The following GNAL variants were observed in gnomAD, a reference collection of about 807,000 sequenced individuals.
GNAL encodes the protein guanine nucleotide-binding protein G(olf) subunit alpha.
In GNAL, 18 loss-of-function variants were observed where a neutral mutation model predicts 55.1. The observed-to-expected ratio is 0.33, with a 90% CI of 0.23 to 0.48. The LOEUF (loss-of-function observed/expected upper bound fraction) is 0.48, where lower values mean the gene tolerates loss of function less well. Ranked by LOEUF, GNAL falls within the 20% of genes least tolerant of loss-of-function variation. GNAL has a pLI of 0.99. For missense variants in GNAL, 412 were observed against 614.1 expected (o/e 0.67, Z 3.48); for synonymous variants, 253 against 237.0 (o/e 1.07, Z -0.62).
intron 4 of GNAL, among the ~76,000 whole-genome samples, chr18:11,814,241 T>C (rs2034895408): frequency 6.6e-6 from 1 of 152,152 alleles, no homozygotes; most frequent in Non-Finnish European, 1.5e-5. Context: ...AGAAAAACAC[T>C]GGGCCGGGCA....
chr18:11,869,378 C>G (rs1451116367), intron 9 of GNAL, among the ~76,000 whole-genome samples: 2 of 152,046 alleles, frequency 1.3e-5, no homozygotes, highest in South Asian at 4.1e-4. Flanking sequence ...CTCCTGACCT[C>G]GTGATCCACC....
At position 11,730,160 on chromosome 18, in the gene GNAL, C is replaced by CTTT. The variant is rs1240028582; in HGVS notation, c.377-22678_377-22676dup. Among the ~76,000 whole-genome samples, 2 of 138,794 alleles carry CTTT rather than the reference C, an allele frequency of 1.4e-5. 1 individual carries two copies. The highest frequency in any genetic ancestry group is 4.6e-4 in the South Asian group (2 of 4,372). The allele number at this position is 138,794 out of a possible 152,430, so 91.1% of individuals were successfully genotyped here. A position where few individuals can be genotyped will look rare whatever the true frequency, so the allele number is the denominator to read the frequency against. ...AACATTCTCCTGCCTCAGCCTCCCACTTTTTTTTTTTTTTTTTGAGGCAGA... is the reference window on the plus strand; with the variant it reads ...AACATTCTCCTGCCTCAGCCTCCCACTTTTTTTTTTTTTTTTTTTTGAGGCAGA... On this transcript the variant is annotated intron_variant, in intron 1 of 11. Transcript: ENST00000334049.
chr18:11,859,841 G>A (rs947161189), intron 5 of GNAL, among the ~76,000 whole-genome samples: 1 of 151,938 alleles, frequency 6.6e-6, no homozygotes. Context: ...TGCCTCCCGG[G>A]TTCAAGCGAT....
rs76327207 is a variant in GNAL at position 11,883,622 on chromosome 18, C to A, written c.*2487C>A. 2.6e-5 allele frequency: 4 copies of A among 153,490 alleles called. No homozygotes were observed. In the East Asian group the frequency reaches 7.7e-4, roughly 30 times the overall value. The allele number at this position is 153,490 out of a possible 1,614,324, so 9.5% of individuals were successfully genotyped here. The stretch of plus-strand genomic sequence containing the variant: ...GAGAAAATTACACTTATCTAAAAAT[C>A]TGATTCCATTAATTGATCAAGTATA... On this transcript the variant is annotated 3_prime_UTR_variant, in exon 12 of 12. Coordinates refer to ENST00000334049, the MANE Select transcript of GNAL (RefSeq NM_182978.4).
intron 4 of GNAL, among the ~76,000 whole-genome samples, chr18:11,794,922 A>G (rs2034338921): frequency 6.6e-6 from 1 of 152,166 alleles, no homozygotes. Flanking sequence ...AGCTCACTGC[A>G]ACCTCTGCCT....
Position 11,824,987 on chromosome 18 carries a change from G to T in GNAL, c.694G>T (p.Glu232Ter). Reference sequence around the variant, plus strand: ...GAAGGCATGCTTTGAGAGATCCAACGAATACCAGCTGATTGACTGTGCACA... The same window carrying T: ...GAAGGCATGCTTTGAGAGATCCAACTAATACCAGCTGATTGACTGTGCACA... ...GVKACFERSNEYQLIDCAQYF... is the reference protein window; with the variant it reads ...GVKACFERSN The change falls in exon 5 of 12, where the codon GAA becomes TAA. Residue 232 changes from glutamate (E) to a stop codon, truncating the protein, a stop_gained. Coordinates refer to ENST00000334049, the MANE Select transcript of GNAL (RefSeq NM_182978.4). LOFTEE classifies it high-confidence loss of function. The T allele has an allele frequency of 6.2e-7, 1 of 1,601,686 alleles. No individual in the cohort carries two copies. The highest frequency in any genetic ancestry group is 1.1e-5 in the South Asian group (1 of 90,126).
At chr18:11,776,111 T>C (rs1308057661) in intron 4 of GNAL, among the ~76,000 whole-genome samples, 1 of 152,228 alleles carries the variant, frequency 6.6e-6, no homozygotes, top group Non-Finnish European at 1.5e-5. Context: ...CCAGAGCGCC[T>C]CTTTGCTCAA....
intron 5 of GNAL, among the ~76,000 whole-genome samples, chr18:11,838,908 G>A (rs1225839560): frequency 3.3e-5 from 5 of 152,176 alleles, no homozygotes; most frequent in Admixed American, 1.3e-4. Flanking sequence ...GTGGAAATTG[G>A]CAGGTAATTT....
intron 1 of GNAL, among the ~76,000 whole-genome samples, chr18:11,706,172 T>C (rs2031706725): frequency 6.6e-6 from 1 of 152,088 alleles, no homozygotes; most frequent in South Asian, 2.1e-4. Flanking sequence ...TTATCAGATA[T>C]AAGCATATCT....
At chr18:11,832,199 T>G (rs967025753) in intron 5 of GNAL, among the ~76,000 whole-genome samples, 1 of 152,232 alleles carries the variant, frequency 6.6e-6, no homozygotes, top group Non-Finnish European at 1.5e-5. Context: ...AATCGGACTT[T>G]GCTTAATGGA....
intron 5 of GNAL, among the ~76,000 whole-genome samples, chr18:11,832,312 C>A (rs1194646565): frequency 1.3e-5 from 2 of 152,130 alleles, no homozygotes; most frequent in African/African-American, 2.4e-5. Flanking sequence ...TTTTTGAATT[C>A]TCTAAGGAGA....
chr18:11,871,452 T>C (rs1398994904), intron 9 of GNAL, among the ~76,000 whole-genome samples: 1 of 152,150 alleles, frequency 6.6e-6, no homozygotes, highest in Non-Finnish European at 1.5e-5. Context: ...GGTTTCACAG[T>C]GTTGGTCAGG....
At chr18:11,817,630 C>A (rs2034990317) in intron 4 of GNAL, among the ~76,000 whole-genome samples, 1 of 152,140 alleles carries the variant, frequency 6.6e-6, no homozygotes, top group South Asian at 2.1e-4. Flanking sequence ...AGACAGATTT[C>A]TTGCTCTGTC....
At chr18:11,867,780 G>A (rs1045819820) in intron 8 of GNAL, among the ~76,000 whole-genome samples, 5 of 150,476 alleles carry the variant, frequency 3.3e-5, no homozygotes, top group African/African-American at 1.2e-4. Flanking sequence ...CACCACTGCA[G>A]CAGTCCGGCC....
At chr18:11,717,772 A>G (rs899321581) in intron 1 of GNAL, among the ~76,000 whole-genome samples, 5 of 152,218 alleles carry the variant, frequency 3.3e-5, no homozygotes, top group African/African-American at 1.2e-4. Flanking sequence ...GAGGGGAACA[A>G]TACACACTGG....
intron 5 of GNAL, among the ~76,000 whole-genome samples, chr18:11,856,232 C>G (rs763422407): frequency 6.6e-6 from 1 of 151,394 alleles, no homozygotes; most frequent in Non-Finnish European, 1.5e-5. Context: ...AATCAACTGA[C>G]TGGAATTAGC....
At chr18:11,692,423 G>A (rs1057027521) in intron 1 of GNAL, among the ~76,000 whole-genome samples, 5 of 152,202 alleles carry the variant, frequency 3.3e-5, no homozygotes, top group African/African-American at 1.2e-4. Context: ...GGGCTGAGCG[G>A]TAGCAGAGCT....
intron 10 of GNAL, among the ~76,000 whole-genome samples, chr18:11,873,086 A>C (rs569235594): frequency 1.3e-5 from 2 of 152,178 alleles, no homozygotes; most frequent in Non-Finnish European, 2.9e-5. Flanking sequence ...AGTCGCTTAC[A>C]CTTCAGTTTC....
At position 11,776,707 on chromosome 18, in the gene GNAL, CAA is replaced by C. The variant is rs33937288; in HGVS notation, c.624+22783_624+22784del. On this transcript the variant is annotated intron_variant, in intron 4 of 11. Transcript: ENST00000334049. ...TGGGCAACAGAGCCAGATCCTGCCT[CAA>C]AAAAAAAAAAAAAAAAAAAAGAATT... Among the ~76,000 whole-genome samples the C allele has an allele frequency of 8.8e-3, 627 of 71,630 alleles. 2 individuals carry two copies. Among genetic ancestry groups the C allele is most frequent in the African/African-American group, 0.029 (562 of 19,216 alleles). The allele number at this position is 71,630 out of a possible 152,430, so 47.0% of individuals were successfully genotyped here. A position where few individuals can be genotyped will look rare whatever the true frequency, so the allele number is the denominator to read the frequency against.
Sources: allele counts gnomAD v4.1 joint callset (sites outside exome capture counted in the v4.1 genomes callset), GRCh38; gene constraint gnomAD v4.1.1; transcripts MANE v1.5; gene names NCBI Gene and HGNC (gene_info 2026-07-23, HGNC 2026-07-21).